CDYL: variants seen among roughly 807,000 people sequenced by gnomAD.
CDYL encodes the protein chromodomain Y like, also known as chromodomain Y-like protein.
Under a neutral mutation model 47.3 loss-of-function variants are expected in CDYL, and 8 were observed. The observed-to-expected ratio is 0.17, with a 90% CI of 0.10 to 0.31. CDYL has a LOEUF of 0.31. CDYL is among the 10% of genes least tolerant of loss of function. The pLI, the probability that CDYL is intolerant of heterozygous loss-of-function variation, is 1.00. For synonymous variants in CDYL, 266 were observed against 265.0 expected (o/e 1.00, Z -0.04); for missense variants, 471 against 701.4 (o/e 0.67, Z 3.71).
intron 2 of CDYL, among the ~76,000 whole-genome samples, chr6:4,726,525 C>CT (rs1464649931): frequency 7.8e-6 from 1 of 128,816 alleles, no homozygotes; most frequent in East Asian, 2.3e-4. Context: ...GGGCGAGACT[C>CT]TGTCTCAAAA....
At chr6:4,764,116 G>A (rs1425731878) in intron 3 of CDYL, among the ~76,000 whole-genome samples, 1 of 152,058 alleles carries the variant, frequency 6.6e-6, no homozygotes, top group African/African-American at 2.4e-5. Flanking sequence ...AATGTAAATG[G>A]ACTAAATATC....
At chr6:4,853,509 T>A (rs1760914401) in intron 1 of CDYL, among the ~76,000 whole-genome samples, 1 of 152,064 alleles carries the variant, frequency 6.6e-6, no homozygotes, top group Non-Finnish European at 1.5e-5. Flanking sequence ...CTCATTCCCC[T>A]CCTCCTCCCT....
chr6:4,826,762 G>T (rs1759992791), intron 1 of CDYL, among the ~76,000 whole-genome samples: 1 of 152,090 alleles, frequency 6.6e-6, no homozygotes, highest in African/African-American at 2.4e-5. Flanking sequence ...TCTGACATTT[G>T]GTCTGTTCTG....
At chr6:4,946,712 C>T (rs1758530081) in intron 5 of CDYL, among the ~76,000 whole-genome samples, 1 of 69,630 alleles carries the variant, frequency 1.4e-5, no homozygotes, top group East Asian at 5.8e-4. Context: ...GTGGTCACTC[C>T]CCACATGTGG....
intron 2 of CDYL, among the ~76,000 whole-genome samples, chr6:4,721,722 C>T (rs1170497714): frequency 6.6e-6 from 1 of 152,014 alleles, no homozygotes; most frequent in Non-Finnish European, 1.5e-5. Flanking sequence ...TGCTTGCTGT[C>T]TCACACTTCC....
chr6:4,892,430 G>A lies in CDYL; in HGVS notation c.691+51G>A, dbSNP rs376196847. The A allele has an allele frequency of 7.9e-6, 12 of 1,526,092 alleles. No homozygotes were observed. The South Asian group carries it at 1.0e-4, about 13-fold the overall frequency. The allele number at this position is 1,526,092 out of a possible 1,614,324, so 94.5% of individuals were successfully genotyped here. ...CTCCGTGGTGATCCCAGAGGGCTCG[G>A]GTCCTTCTCTAGAGATCAGGCCTTG... On this transcript the variant is annotated intron_variant, in intron 2 of 6. Transcript: ENST00000397588.
intron 2 of CDYL, among the ~76,000 whole-genome samples, chr6:4,716,557 ACT>A (rs1279075127): frequency 7.3e-6 from 1 of 137,480 alleles, no homozygotes; most frequent in East Asian, 2.1e-4. Flanking sequence ...CACACCCTAC[ACT>A]CTGTGTTTAC....
Position 4,912,502 on chromosome 6 carries a change from G to A in CDYL, c.691+20123G>A, listed in dbSNP as rs142117465. On this transcript the variant is annotated intron_variant, in intron 2 of 6. Transcript: ENST00000397588. ...CAGGGGCGGAACGCCGTAGGGCTTT[G>A]TAGCCAGGGTAAGAAGTTTGGGTTT... Among the ~76,000 whole-genome samples the A allele has an allele frequency of 1.7e-3, 253 of 152,394 alleles. 1 individual carries two copies. The highest frequency in any genetic ancestry group is 5.9e-3 in the African/African-American group (244 of 41,596).
At chr6:4,793,036 G>A (rs1758968458) in intron 1 of CDYL, among the ~76,000 whole-genome samples, 1 of 152,148 alleles carries the variant, frequency 6.6e-6, no homozygotes, top group African/African-American at 2.4e-5. Context: ...TTCATACCAT[G>A]CTGGCTTGAC....
intron 2 of CDYL, among the ~76,000 whole-genome samples, chr6:4,929,351 T>C (rs1227436493): frequency 2.0e-5 from 3 of 152,194 alleles, no homozygotes; most frequent in Non-Finnish European, 4.4e-5. Context: ...TCTCATGTTA[T>C]CAGCAGATGA....
rs771755539 is a variant in CDYL, at chr6:4,770,741, GT to G, written c.186+35899del. On this transcript the variant is annotated intron_variant, in intron 3 of 8. Transcript: ENST00000328908. ...ACGTGATCTGAACACTTCTGTAGTA[GT>G]TATGGAGAAGTAATGTGTACTACAA... Among the ~76,000 whole-genome samples, 37 of 152,242 alleles carry G rather than the reference GT, an allele frequency of 2.4e-4. 2 individuals carry two copies. The highest frequency in any genetic ancestry group is 3.4e-3 in the Middle Eastern group (1 of 294).
intron 3 of CDYL, among the ~76,000 whole-genome samples, chr6:4,751,019 A>T (rs2127419952): frequency 6.6e-6 from 1 of 151,712 alleles, no homozygotes; most frequent in South Asian, 2.1e-4. Flanking sequence ...CGCCCGGCTA[A>T]TTTTTTGTAT....
At chr6:4,815,695 C>G (rs1213089965) in intron 1 of CDYL, among the ~76,000 whole-genome samples, 2 of 108,882 alleles carry the variant, frequency 1.8e-5, no homozygotes, top group Non-Finnish European at 3.8e-5. Context: ...TTTTTTTTTA[C>G]CTTTTTTTTT....
At chr6:4,786,212 A>G (rs899952422) in intron 1 of CDYL, among the ~76,000 whole-genome samples, 1 of 152,204 alleles carries the variant, frequency 6.6e-6, no homozygotes, top group Non-Finnish European at 1.5e-5. Flanking sequence ...TGAAATCTCA[A>G]GTTACCTTAC....
chr6:4,892,827 G>A (rs562690532), intron 2 of CDYL, among the ~76,000 whole-genome samples: 4 of 152,174 alleles, frequency 2.6e-5, no homozygotes, highest in African/African-American at 7.2e-5. Context: ...CAGTGGGAGC[G>A]TTGCTAACCC....
intron 1 of CDYL, 40 bp downstream of exon 1, chr6:4,776,847 GC>G (rs1561845366): frequency 1.9e-5 from 12 of 642,058 alleles, no homozygotes; most frequent in South Asian, 6.8e-5. Flanking sequence ...CCCCCCGCCC[GC>G]CGCCCCTCCC....
intron 3 of CDYL, among the ~76,000 whole-genome samples, chr6:4,751,999 G>T (rs1758002562): frequency 6.6e-6 from 1 of 152,154 alleles, no homozygotes; most frequent in Non-Finnish European, 1.5e-5. Flanking sequence ...CTCTATTTTT[G>T]CAGGCATTAA....
At chr6:4,854,697 G>T (rs982823292) in intron 1 of CDYL, among the ~76,000 whole-genome samples, 3 of 152,220 alleles carry the variant, frequency 2.0e-5, no homozygotes, top group African/African-American at 7.2e-5. Context: ...CACCTAGCAG[G>T]TAAGTTGTCA....
intron 3 of CDYL, among the ~76,000 whole-genome samples, chr6:4,749,419 T>C (rs1757953474): frequency 6.6e-6 from 1 of 151,638 alleles, no homozygotes; most frequent in Non-Finnish European, 1.5e-5. Flanking sequence ...GTATGATGGA[T>C]GGATGGATGA....
Sources: gnomAD v4.1 joint callset for allele counts (sites outside exome capture counted in the v4.1 genomes callset) on GRCh38, gnomAD v4.1.1 for gene constraint, MANE v1.5 for transcripts, NCBI Gene and HGNC (gene_info 2026-07-23, HGNC 2026-07-21) for gene names.